TARBP1: variants seen among roughly 807,000 people sequenced by gnomAD.
The protein encoded by TARBP1 is tRNA guanosine 2 -O-methyltransferase TARBP1.
TARBP1 carries 144 observed loss-of-function variants against 178.6 expected under a neutral mutation model. The ratio of observed to expected loss-of-function variants is 0.81; its 90% CI spans 0.70 to 0.93. The LOEUF is 0.93. TARBP1 is among the 40% of genes least tolerant of loss of function. The pLI, the probability that TARBP1 is intolerant of heterozygous loss-of-function variation, is 0.00. For synonymous variants in TARBP1, 787 were observed against 781.0 expected (o/e 1.01, Z -0.13); for missense variants, 2,067 against 2,011.7 (o/e 1.03, Z -0.53).
chr1:234,402,142 A>G (rs1006463665), intron 24 of TARBP1, among the ~76,000 whole-genome samples: 5 of 152,132 alleles, frequency 3.3e-5, no homozygotes, highest in Admixed American at 1.3e-4. Context: ...TCAGTAATGG[A>G]CTCAAGCGAT....
In TARBP1 at chr1:234,393,772, A is replaced by G. The variant is rs1216420458; in HGVS notation, c.4309T>C (p.Trp1437Arg). The G allele has an allele frequency of 1.2e-6, 2 of 1,613,918 alleles. No individual in the cohort carries two copies. The highest frequency in any genetic ancestry group is 2.2e-5 in the South Asian group (2 of 91,086). The part of the protein sequence containing the change: ...WTDVQKKIIP[W>R]NSRVSDLDLE... ...TCTAAGTCGGAAACACGACTGTTCCACGGGATAATCTTCTTCTGAACGTCG... is the reference window on the plus strand; with the variant it reads ...TCTAAGTCGGAAACACGACTGTTCCGCGGGATAATCTTCTTCTGAACGTCG... The change falls in exon 27 of 30, where the codon TGG becomes CGG. Residue 1437 changes from tryptophan (W) to arginine (R), a missense_variant. Trp to Arg is a moderately radical substitution (Grantham distance 101). Coordinates refer to ENST00000040877, the MANE Select transcript of TARBP1 (RefSeq NM_005646.4).
chr1:234,414,756 G>C (rs12038496), intron 22 of TARBP1, among the ~76,000 whole-genome samples: 26,841 of 152,106 alleles, frequency 0.18, 2,528 homozygotes, highest in East Asian at 0.31. Context: ...AGGCCGAAGC[G>C]GGCAGATCAC....
At chr1:234,464,944 G>T (rs1668274457) in intron 5 of TARBP1, among the ~76,000 whole-genome samples, 1 of 152,172 alleles carries the variant, frequency 6.6e-6, no homozygotes, top group Non-Finnish European at 1.5e-5. Flanking sequence ...AGTAGAGACA[G>T]GATGAATAAC....
intron 9 of TARBP1, 37 bp downstream of exon 9, chr1:234,457,630 G>C: frequency 1.4e-6 from 2 of 1,449,538 alleles, no homozygotes; most frequent in Non-Finnish European, 1.9e-6. Context: ...ATTTTTTATA[G>C]TTTTCAAAGA....
In TARBP1 at chr1:234,451,766, A is replaced by AAAAAAAAAAAAACAAAAAAAC. The variant is rs57636903; in HGVS notation, c.1723-1201_1723-1200insGTTTTTTTGTTTTTTTTTTTT. Reference sequence around the variant, plus strand: ...TCCGTCTCAAAAAAAAAAAAAAAAAATGATGAATGACTGGATCATCGAAGT... The same window carrying AAAAAAAAAAAAACAAAAAAAC: ...TCCGTCTCAAAAAAAAAAAAAAAAAAAAAAAAAAAAAACAAAAAAACTGATGAATGACTGGATCATCGAAGT... On this transcript the variant is annotated intron_variant, in intron 9 of 29. Coordinates refer to ENST00000040877, the MANE Select transcript of TARBP1 (RefSeq NM_005646.4). 4.1e-4 allele frequency among the ~76,000 whole-genome samples: 7 copies of AAAAAAAAAAAAACAAAAAAAC among 17,170 alleles called. 3 individuals are homozygous for AAAAAAAAAAAAACAAAAAAAC. Among genetic ancestry groups the AAAAAAAAAAAAACAAAAAAAC allele is most frequent in the Non-Finnish European group, 6.2e-4 (7 of 11,334 alleles). The allele number at this position is 17,170 out of a possible 152,430, so 11.3% of individuals were successfully genotyped here. A position where few individuals can be genotyped will look rare whatever the true frequency, so the allele number is the denominator to read the frequency against.
intron 17 of TARBP1, among the ~76,000 whole-genome samples, chr1:234,428,857 C>T (rs550016226): frequency 6.6e-6 from 1 of 152,176 alleles, no homozygotes; most frequent in African/African-American, 2.4e-5. Context: ...GATTTCCCAA[C>T]AATTAAAAGT....
In TARBP1 at chr1:234,391,564, TAAGG is replaced by T; in HGVS notation, c.*9_*12del. ...AGTCTGAACAGCAGCAGCAGTTCAC[TAAGG>T]AAGGCACATCATGGCTTGGTATCTC... On this transcript the variant is annotated 3_prime_UTR_variant, in exon 30 of 30. Coordinates refer to ENST00000040877, the MANE Select transcript of TARBP1 (RefSeq NM_005646.4). 6.3e-7 allele frequency: 1 copy of T among 1,588,062 alleles called. No individual in the cohort carries two copies. The highest frequency in any genetic ancestry group is 8.6e-7 in the Non-Finnish European group (1 of 1,163,882).
intron 12 of TARBP1, 116 bp from the exon 13 acceptor site, chr1:234,437,488 T>C (rs1010852012): frequency 1.9e-6 from 1 of 525,658 alleles, no homozygotes. Flanking sequence ...TTGCCAAAAA[T>C]AAATTGCAAT....
chr1:234,410,812 C>T (rs1398390707), intron 22 of TARBP1, among the ~76,000 whole-genome samples: 1 of 152,244 alleles, frequency 6.6e-6, no homozygotes, highest in African/African-American at 2.4e-5. Context: ...GTGGCTCACG[C>T]CTATAATCCC....
intron 14 of TARBP1, among the ~76,000 whole-genome samples, chr1:234,431,808 G>C (rs912780940): frequency 2.0e-5 from 3 of 152,178 alleles, no homozygotes; most frequent in African/African-American, 7.2e-5. Flanking sequence ...TCCAAAGCCT[G>C]TGCTCTTCAT....
At position 234,478,554 on chromosome 1, in the gene TARBP1, C is replaced by A; in HGVS notation, c.550G>T (p.Ala184Ser). 7.7e-7 allele frequency: 1 copy of A among 1,306,262 alleles called. No homozygotes were observed. The highest frequency in any genetic ancestry group is 9.7e-7 in the Non-Finnish European group (1 of 1,028,774). The allele number at this position is 1,306,262 out of a possible 1,614,324, so 80.9% of individuals were successfully genotyped here. ...GCCACCAGCGCCGCCGCGTCCTCGGCAGGCCCGGCCTCATCCCCGTCCCCG... is the reference window on the plus strand; with the variant it reads ...GCCACCAGCGCCGCCGCGTCCTCGGAAGGCCCGGCCTCATCCCCGTCCCCG... ...GGGDGDEAGPAEDAAALVAGR... is the reference protein window; with the variant it reads ...GGGDGDEAGPSEDAAALVAGR... Residue 184 changes from alanine (A) to serine (S), a missense_variant, in exon 1 of 30, where the codon GCC becomes TCC. Ala to Ser is a moderately conservative substitution (Grantham distance 99, BLOSUM62 1). Coordinates refer to ENST00000040877, the MANE Select transcript of TARBP1 (RefSeq NM_005646.4).
At chr1:234,416,717 T>C (rs1010937838) in intron 22 of TARBP1, among the ~76,000 whole-genome samples, 4 of 152,134 alleles carry the variant, frequency 2.6e-5, no homozygotes, top group African/African-American at 7.2e-5. Flanking sequence ...CTGCTTATGG[T>C]GACACCCAGG....
At chr1:234,475,128 G>T (rs767109774) in intron 1 of TARBP1, among the ~76,000 whole-genome samples, 5 of 152,170 alleles carry the variant, frequency 3.3e-5, no homozygotes, top group Non-Finnish European at 5.9e-5. Context: ...AGCCTGCCCC[G>T]GTGCTCTCGA....
chr1:234,467,797 GT>G lies in TARBP1; in HGVS notation c.1100-148del, dbSNP rs761673453. ...TTTGTTACTGTTTTTTGAGAGACAGGTTCTCACTGTGTCACCCAGACTGCAG... is the reference window on the plus strand; with the variant it reads ...TTTGTTACTGTTTTTTGAGAGACAGGTCTCACTGTGTCACCCAGACTGCAG... On this transcript the variant is annotated intron_variant, in intron 3 of 29. Transcript: ENST00000040877. 7.3e-4 allele frequency: 645 copies of G among 881,382 alleles called. 2 individuals are homozygous for G. Among genetic ancestry groups the G allele is most frequent in the Non-Finnish European group, 9.5e-4 (597 of 627,324 alleles). 54.6% of individuals were successfully genotyped at this position (881,382 alleles called of 1,614,324 possible). A position where few individuals can be genotyped will look rare whatever the true frequency, so the allele number is the denominator to read the frequency against.
rs752678135 is a variant in TARBP1 at position 234,437,378 on chromosome 1, T to C, written c.2135-6A>G. The C allele has an allele frequency of 1.8e-5, 27 of 1,478,348 alleles. No homozygotes were observed. Among genetic ancestry groups the C allele is most frequent in the African/African-American group, 2.8e-5 (2 of 71,018 alleles). 91.6% of individuals were successfully genotyped at this position (1,478,348 alleles called of 1,614,324 possible). A position where few individuals can be genotyped will look rare whatever the true frequency, so the allele number is the denominator to read the frequency against. On this transcript the variant is annotated splice_polypyrimidine_tract_variant and splice_region_variant and intron_variant, in intron 12 of 29. Coordinates refer to ENST00000040877, the MANE Select transcript of TARBP1 (RefSeq NM_005646.4). Reference sequence around the variant, plus strand: ...AAGAACAGTAGACACCTCATCTGTATGGGGGCAAAAAGCATGCAACTAAAA... The same window carrying C: ...AAGAACAGTAGACACCTCATCTGTACGGGGGCAAAAAGCATGCAACTAAAA...
chr1:234,429,331 G>C lies in TARBP1; in HGVS notation c.2872-7C>G, dbSNP rs769227034. ...ATTCAGAGGAAGTCAGAAGCTGGTA[G>C]GAAAAAAAAAAATACATACTTATTT... On this transcript the variant is annotated splice_region_variant and splice_polypyrimidine_tract_variant and intron_variant, in intron 16 of 29. Coordinates refer to ENST00000040877, the MANE Select transcript of TARBP1 (RefSeq NM_005646.4). 2 of 1,544,952 alleles carry C rather than the reference G, an allele frequency of 1.3e-6. No homozygotes were observed. Among genetic ancestry groups the C allele is most frequent in the African/African-American group, 2.9e-5 (2 of 68,048 alleles).
rs561510658 is a variant in TARBP1, at chr1:234,400,126, C to T, written c.4071+1055G>A. ...AGCCCCATTATTTTATTTACACATA[C>T]ACCTTTAATTCATTTCATGACTGGA... On this transcript the variant is annotated intron_variant, in intron 25 of 29. Transcript: ENST00000040877. The T allele has an allele frequency of 8.8e-4, 133 of 151,436 alleles. 1 individual carries two copies. Among genetic ancestry groups the T allele is most frequent in the African/African-American group, 3.1e-3 (129 of 41,288 alleles). 9.4% of individuals were successfully genotyped at this position (151,436 alleles called of 1,614,324 possible).
chr1:234,469,197 GAATA>G (rs1398472178), intron 3 of TARBP1, among the ~76,000 whole-genome samples: 1 of 149,880 alleles, frequency 6.7e-6, no homozygotes, highest in Non-Finnish European at 1.5e-5. Flanking sequence ...CAAAACCATG[GAATA>G]AATAAATATC....
At chr1:234,401,131 T>C in intron 25 of TARBP1, 50 bp downstream of exon 25, 5 of 1,465,814 alleles carry the variant, frequency 3.4e-6, no homozygotes, top group Non-Finnish European at 4.7e-6. Context: ...AAAGGAAGCA[T>C]CAGGATTAAA....
Sources: allele counts gnomAD v4.1 joint callset (sites outside exome capture counted in the v4.1 genomes callset), GRCh38; gene constraint gnomAD v4.1.1; transcripts MANE v1.5; gene names NCBI Gene and HGNC (gene_info 2026-07-23, HGNC 2026-07-21).